RNF217: variants seen among roughly 807,000 people sequenced by gnomAD.
RNF217 encodes the protein E3 ubiquitin-protein ligase RNF217.
RNF217 carries 31 observed loss-of-function variants against 57.8 expected under a neutral mutation model. The observed-to-expected ratio is 0.54, with a 90% CI of 0.40 to 0.72. The LOEUF is 0.72. RNF217 is among the 30% of genes least tolerant of loss of function. The pLI, the probability that RNF217 is intolerant of heterozygous loss-of-function variation, is 0.00. For missense variants in RNF217, 696 were observed against 708.3 expected (o/e 0.98, Z 0.20); for synonymous variants, 313 against 294.0 (o/e 1.06, Z -0.66).
rs1047850065 is a variant in RNF217 at position 125,045,340 on chromosome 6, C to T, written c.1012C>T (p.Arg338Cys). 16 of 1,613,234 alleles carry T rather than the reference C, an allele frequency of 9.9e-6. No individual in the cohort carries two copies. The highest frequency in any genetic ancestry group is 9.4e-5 in the African/African-American group (7 of 74,840). ...GTATAAGTACTTCTTGGAACTTGGC[C>T]GTATTGATTCCAGCACCAAGCCATG... is the stretch of plus-strand genomic sequence containing the variant. ...IKYKYFLELG[R>C]IDSSTKPCPQ... Residue 338 changes from arginine (R) to cysteine (C), a missense_variant, in exon 2 of 6, where the codon CGT becomes TGT. Coordinates refer to ENST00000521654, the MANE Select transcript of RNF217 (RefSeq NM_001286398.3).
chr6:124,990,851 G>A (rs1175885732), intron 1 of RNF217, among the ~76,000 whole-genome samples: 1 of 152,094 alleles, frequency 6.6e-6, no homozygotes, highest in East Asian at 1.9e-4. Context: ...GATTACTTGA[G>A]GCCAGGAGTT....
chr6:124,983,574 G>GAA (rs1473752859), intron 1 of RNF217: 11 of 854,854 alleles, frequency 1.3e-5, no homozygotes, highest in Non-Finnish European at 1.4e-5. Flanking sequence ...ATCTTCTGTG[G>GAA]TAGGCTTCAC....
chr6:124,965,347 G>T (rs751942507), intron 1 of RNF217, among the ~76,000 whole-genome samples: 22 of 152,124 alleles, frequency 1.4e-4, no homozygotes, highest in Non-Finnish European at 2.6e-4. Flanking sequence ...GCTGAGGCAG[G>T]TGGATCACCT....
chr6:125,059,999 A>G (rs1445726664), intron 3 of RNF217, among the ~76,000 whole-genome samples: 1 of 152,026 alleles, frequency 6.6e-6, no homozygotes, highest in Non-Finnish European at 1.5e-5. Context: ...TTGGAGTATA[A>G]ATGGTTTCAT....
intron 3 of RNF217, among the ~76,000 whole-genome samples, chr6:125,061,863 T>A (rs1422962329): frequency 6.6e-6 from 1 of 151,994 alleles, no homozygotes; most frequent in African/African-American, 2.4e-5. Context: ...TTTATTTGAT[T>A]TTTTAATATT....
chr6:125,002,298 G>A (rs981921856), intron 1 of RNF217, among the ~76,000 whole-genome samples: 8 of 152,228 alleles, frequency 5.3e-5, no homozygotes, highest in South Asian at 2.1e-4. Context: ...GTGCCCATTC[G>A]TGGATTAAGG....
Position 124,962,636 on chromosome 6 carries a change from C to A in RNF217, c.92C>A (p.Pro31Gln). ...ASGTAGHPEPPRPQGDSARAP... is the reference protein window; with the variant it reads ...ASGTAGHPEPQRPQGDSARAP... ...GGCACTGCGGGCCACCCTGAGCCCC[C>A]GAGGCCTCAGGGGGACAGCGCCCGG... Residue 31 changes from proline (P) to glutamine (Q), a missense_variant, in exon 1 of 6, where the codon CCG becomes CAG. By Grantham distance (76) the Pro-to-Gln change is moderately conservative. Around this residue, in one of 2 missense-constraint regions of RNF217, gnomAD observed 465 missense variants for 386.8 expected, o/e 1.20. Coordinates refer to ENST00000521654, the MANE Select transcript of RNF217 (RefSeq NM_001286398.3). This position sits in a 1 kb window ranked among gnomAD's most constrained non-coding sequence, Gnocchi z 4.6. The A allele has an allele frequency of 7.5e-7, 1 of 1,325,044 alleles. No homozygotes were observed. Among genetic ancestry groups the A allele is most frequent in the Non-Finnish European group, 9.5e-7 (1 of 1,048,692 alleles). The allele number at this position is 1,325,044 out of a possible 1,614,324, so 82.1% of individuals were successfully genotyped here.
At chr6:125,002,287 T>C (rs530954380) in intron 1 of RNF217, among the ~76,000 whole-genome samples, 35 of 152,276 alleles carry the variant, frequency 2.3e-4, no homozygotes, top group South Asian at 4.1e-4. Flanking sequence ...ACCGGAACAA[T>C]GTGCCCATTC....
chr6:125,082,931 C>G lies in RNF217; in HGVS notation c.1623C>G (p.His541Gln). 1 of 1,598,058 alleles carries G rather than the reference C, an allele frequency of 6.3e-7. No individual in the cohort carries two copies. The highest frequency in any genetic ancestry group is 8.5e-7 in the Non-Finnish European group (1 of 1,174,630). Residue 541 changes from histidine to glutamine, a missense_variant, in exon 6 of 6, where the codon CAC (histidine) becomes CAG (glutamine). Physicochemically the swap from His to Gln is conservative, Grantham distance 24 (BLOSUM62 0). Coordinates refer to ENST00000521654, the MANE Select transcript of RNF217 (RefSeq NM_001286398.3). ...GAAAACGATCACGGACAGGTATGCA[C>G]TGGTAACATGCAGATGATTTCATCC... ...KQRKRSRTGM[H>Q]W is the part of the protein sequence containing the mutation.
At position 125,084,246 on chromosome 6, in the gene RNF217, T is replaced by G. The variant is rs965130474; in HGVS notation, c.*1309T>G. The G allele has an allele frequency of 1.3e-5, 2 of 151,984 alleles. No homozygotes were observed. The highest frequency in any genetic ancestry group is 2.9e-5 in the Non-Finnish European group (2 of 67,906). The allele number at this position is 151,984 out of a possible 1,614,324, so 9.4% of individuals were successfully genotyped here. ...TTGAAAACTTTTTATGTTCTTGAGTTTGTCCAATATCAGCTGCTTTTGGGA... is the reference window on the plus strand; with the variant it reads ...TTGAAAACTTTTTATGTTCTTGAGTGTGTCCAATATCAGCTGCTTTTGGGA... On this transcript the variant is annotated 3_prime_UTR_variant, in exon 6 of 6. Transcript: ENST00000521654.
At chr6:124,991,813 A>G (rs1027003023) in intron 1 of RNF217, among the ~76,000 whole-genome samples, 5 of 152,162 alleles carry the variant, frequency 3.3e-5, no homozygotes, top group African/African-American at 7.2e-5. Context: ...TTAAGTAAAG[A>G]TTTAGTTCCT....
intron 1 of RNF217, among the ~76,000 whole-genome samples, chr6:125,029,927 G>A (rs901718962): frequency 5.3e-5 from 8 of 152,110 alleles, no homozygotes; most frequent in African/African-American, 1.4e-4. Context: ...TTGTTACTCC[G>A]TTTTCATGCT....
chr6:125,051,939 C>T (rs1335484322), intron 2 of RNF217, among the ~76,000 whole-genome samples: 1 of 151,974 alleles, frequency 6.6e-6, no homozygotes, highest in Non-Finnish European at 1.5e-5. Context: ...AGAAATAGAC[C>T]CAGACAAATG....
intron 1 of RNF217, among the ~76,000 whole-genome samples, chr6:125,033,485 A>T (rs567865037): frequency 6.7e-6 from 1 of 149,110 alleles, no homozygotes; most frequent in African/African-American, 2.5e-5. Flanking sequence ...GAGAATGATG[A>T]TTTCCAATTT....
intron 3 of RNF217, 51 bp from the exon 4 acceptor site, chr6:125,076,606 T>G: frequency 7.0e-7 from 1 of 1,433,852 alleles, no homozygotes; most frequent in Non-Finnish European, 9.8e-7. Context: ...ATTTTGCTTT[T>G]TAAAAACTCA....
intron 1 of RNF217, among the ~76,000 whole-genome samples, chr6:125,033,440 C>T (rs1197412120): frequency 7.7e-6 from 1 of 130,516 alleles, no homozygotes; most frequent in Non-Finnish European, 1.7e-5. Context: ...TGAGAACATG[C>T]GGTGTTTGGT....
rs549237776 is a variant in RNF217, at chr6:124,981,268, A to G, written c.882+17842A>G. ...GGGTATTTAACTGGAATTTTTCCCC[A>G]TGTGAACACAAAATATCTGAGACGG... On this transcript the variant is annotated intron_variant, in intron 1 of 5. Coordinates refer to ENST00000521654, the MANE Select transcript of RNF217 (RefSeq NM_001286398.3). 1.9e-4 allele frequency among the ~76,000 whole-genome samples: 29 copies of G among 152,360 alleles called. No homozygotes were observed. In the South Asian group the frequency reaches 4.6e-3, roughly 24 times the overall value.
At chr6:125,071,770 A>G (rs1177551384) in intron 3 of RNF217, among the ~76,000 whole-genome samples, 9 of 152,164 alleles carry the variant, frequency 5.9e-5, no homozygotes, top group Non-Finnish European at 1.0e-4. Context: ...TTTGTTATAG[A>G]TAGAAGAAAC....
chr6:125,060,968 T>C (rs950119480), intron 3 of RNF217, among the ~76,000 whole-genome samples: 2 of 152,198 alleles, frequency 1.3e-5, no homozygotes, highest in African/African-American at 4.8e-5. Flanking sequence ...TCACCTAACA[T>C]TGCAAACATT....
Sources: gnomAD v4.1 joint callset for allele counts (sites outside exome capture counted in the v4.1 genomes callset) on GRCh38, gnomAD v4.1.1 for gene constraint, gnomAD v4.1.1 regional missense constraint, Gnocchi (gnomAD v3.1) non-coding constraint, MANE v1.5 for transcripts, NCBI Gene and HGNC (gene_info 2026-07-23, HGNC 2026-07-21) for gene names.